PEBP4: variants seen among roughly 807,000 people sequenced by gnomAD.
PEBP4 encodes the protein phosphatidylethanolamine binding protein 4.
A neutral mutation model predicts 23.9 loss-of-function variants in PEBP4; 22 were observed. The observed-to-expected ratio is 0.92, with a 90% CI of 0.66 to 1.31. PEBP4 has a LOEUF of 1.31. PEBP4 is among the 40% of genes most tolerant of loss of function. The probability of loss-of-function intolerance (pLI) is 0.00; values close to 1 mark genes in which losing one functional copy is unlikely to be tolerated. For synonymous variants in PEBP4, 112 were observed against 99.3 expected (o/e 1.13, Z -0.76); for missense variants, 324 against 281.7 (o/e 1.15, Z -1.07).
chr8:22,788,708 T>C (rs919101228), intron 4 of PEBP4, among the ~76,000 whole-genome samples: 1 of 152,258 alleles, frequency 6.6e-6, no homozygotes, highest in Non-Finnish European at 1.5e-5. Context: ...TCTACATTGA[T>C]AGAAATTCTA....
intron 1 of PEBP4, among the ~76,000 whole-genome samples, chr8:22,936,552 T>C (rs1809543043): frequency 1.3e-5 from 2 of 152,146 alleles, no homozygotes; most frequent in African/African-American, 2.4e-5. Context: ...CACTCATCCT[T>C]CTCAAACTCT....
chr8:22,939,239 CCTAGAAT>C (rs1296448889), intron 1 of PEBP4, among the ~76,000 whole-genome samples: 3 of 152,044 alleles, frequency 2.0e-5, no homozygotes, highest in Non-Finnish European at 4.4e-5. Context: ...CTTCCATCAA[CCTAGAAT>C]CTGTATCCAG....
At chr8:22,777,801 G>A (rs888793899) in intron 4 of PEBP4, among the ~76,000 whole-genome samples, 2 of 152,202 alleles carry the variant, frequency 1.3e-5, no homozygotes, top group African/African-American at 2.4e-5. Context: ...GGAGGCAGAG[G>A]GAATCCAATT....
intron 3 of PEBP4, among the ~76,000 whole-genome samples, chr8:22,878,623 C>T (rs774040651): frequency 2.6e-5 from 4 of 152,158 alleles, no homozygotes; most frequent in Non-Finnish European, 5.9e-5. Context: ...ACTCTGGCCT[C>T]CTTCCTCTGG....
intron 3 of PEBP4, chr8:22,897,611 G>A (rs1808615375): frequency 6.6e-6 from 1 of 152,038 alleles, no homozygotes; most frequent in South Asian, 2.1e-4. Flanking sequence ...AAACTGGCTT[G>A]GAGAGGTGAG....
At chr8:22,829,858 T>A (rs908426472) in intron 3 of PEBP4, among the ~76,000 whole-genome samples, 2 of 152,156 alleles carry the variant, frequency 1.3e-5, no homozygotes, top group African/African-American at 4.8e-5. Context: ...GCCTGTTTCC[T>A]TACTTCCCAC....
At chr8:22,864,727 G>A (rs985830313) in intron 3 of PEBP4, among the ~76,000 whole-genome samples, 1 of 152,252 alleles carries the variant, frequency 6.6e-6, no homozygotes, top group African/African-American at 2.4e-5. Flanking sequence ...GCACCTTCTC[G>A]GCAGAGCTCA....
intron 4 of PEBP4, among the ~76,000 whole-genome samples, chr8:22,786,861 C>A (rs2128756166): frequency 6.6e-6 from 1 of 151,726 alleles, no homozygotes; most frequent in African/African-American, 2.4e-5. Context: ...TGCTCTTTCA[C>A]CCAGGCTGAA....
intron 4 of PEBP4, among the ~76,000 whole-genome samples, chr8:22,807,364 TG>T (rs1314650373): frequency 1.3e-5 from 2 of 152,118 alleles, no homozygotes; most frequent in Non-Finnish European, 2.9e-5. Context: ...AGTAACACAC[TG>T]GGGAGAGGGG....
rs764599864 is a variant in PEBP4 at position 22,775,666 on chromosome 8, C to T, written c.357+41971G>A. 1.3e-5 allele frequency among the ~76,000 whole-genome samples: 2 copies of T among 152,140 alleles called. No individual in the cohort carries two copies. Among genetic ancestry groups the T allele is most frequent in the African/African-American group, 4.8e-5 (2 of 41,408 alleles). ...GAGGGGGACGGAGGCAGCGTCTCTG[C>T]GGCATACCAGCAAACCAGAAATTAG... is the stretch of plus-strand genomic sequence containing the variant. On this transcript the variant is annotated intron_variant, in intron 4 of 6. Coordinates refer to ENST00000256404, the MANE Select transcript of PEBP4 (RefSeq NM_144962.3). This position sits in a 1 kb window ranked among gnomAD's most constrained non-coding sequence, Gnocchi z 4.8.
At chr8:22,750,428 G>A (rs866923992) in intron 4 of PEBP4, among the ~76,000 whole-genome samples, 2 of 152,194 alleles carry the variant, frequency 1.3e-5, no homozygotes, top group Admixed American at 6.5e-5. Context: ...ATACATTAAT[G>A]CTTTCATTTT....
intron 3 of PEBP4, among the ~76,000 whole-genome samples, chr8:22,823,801 G>C (rs971302106): frequency 6.6e-6 from 1 of 151,872 alleles, no homozygotes; most frequent in African/African-American, 2.4e-5. Context: ...CATAAAAAAA[G>C]ACTAATAACT....
intron 3 of PEBP4, among the ~76,000 whole-genome samples, chr8:22,912,317 CG>C (rs1808955767): frequency 6.6e-6 from 1 of 152,174 alleles, no homozygotes; most frequent in South Asian, 2.1e-4. Context: ...GGCAGGGGTG[CG>C]TTCTGTGTGT....
intron 4 of PEBP4, among the ~76,000 whole-genome samples, chr8:22,810,911 A>AGAGG (rs1380580535): frequency 4.0e-5 from 6 of 149,442 alleles, no homozygotes; most frequent in Non-Finnish European, 9.0e-5. Context: ...AGAGAGAGAG[A>AGAGG]GAGAAACCTC....
chr8:22,799,377 T>A (rs372903379), intron 4 of PEBP4, among the ~76,000 whole-genome samples: 1 of 152,244 alleles, frequency 6.6e-6, no homozygotes, highest in East Asian at 1.9e-4. Flanking sequence ...CTCAATTATG[T>A]TATAATGCTT....
At chr8:22,815,518 G>T (rs1806720817) in intron 4 of PEBP4, among the ~76,000 whole-genome samples, 1 of 152,232 alleles carries the variant, frequency 6.6e-6, no homozygotes, top group Non-Finnish European at 1.5e-5. Flanking sequence ...AATGAATTTG[G>T]TTGACACCGT....
At chr8:22,892,297 T>A (rs753747352) in intron 3 of PEBP4, among the ~76,000 whole-genome samples, 22 of 152,234 alleles carry the variant, frequency 1.4e-4, no homozygotes, top group Non-Finnish European at 2.5e-4. Flanking sequence ...TCTACCATCT[T>A]AATGGTTTTT....
At chr8:22,849,997 C>G (rs1208174783) in intron 3 of PEBP4, among the ~76,000 whole-genome samples, 1 of 151,584 alleles carries the variant, frequency 6.6e-6, no homozygotes, top group Non-Finnish European at 1.5e-5. Flanking sequence ...GGGCAGTGGG[C>G]ACAGAAGAGC....
chr8:22,810,669 GGTGTGTGTGTGTGTGTGT>G (rs60078589), intron 4 of PEBP4, among the ~76,000 whole-genome samples: 6 of 129,200 alleles, frequency 4.6e-5, no homozygotes, highest in African/African-American at 1.2e-4. Flanking sequence ...CTCATGGAGG[GGTGTGTGTGTGTGTGTGT>G]GTGTGTGTGT....
Sources: allele counts gnomAD v4.1 joint callset (sites outside exome capture counted in the v4.1 genomes callset), GRCh38; gene constraint gnomAD v4.1.1; non-coding constraint Gnocchi (gnomAD v3.1); transcripts MANE v1.5; gene names NCBI Gene and HGNC (gene_info 2026-07-23, HGNC 2026-07-21).